CYP4F12: variants seen among roughly 807,000 people sequenced by gnomAD.
The protein encoded by CYP4F12 is cytochrome P450 family 4 subfamily F member 12, also known as cytochrome P450 4F12.
Under a neutral mutation model 56.5 loss-of-function variants are expected in CYP4F12, and 60 were observed. The observed-to-expected ratio is 1.06, with a 90% CI of 0.86 to 1.32. The LOEUF (loss-of-function observed/expected upper bound fraction) is 1.32, where lower values mean the gene tolerates loss of function less well. CYP4F12 is among the 40% of genes most tolerant of loss of function. The pLI is 0.00. For missense variants in CYP4F12, 711 were observed against 683.5 expected, an observed-to-expected ratio of 1.04 and a Z score of -0.45; for synonymous variants, 263 against 264.9, an observed-to-expected ratio of 0.99 and a Z score of 0.07.
At chr19:15,684,776 G>C in intron 7 of CYP4F12, 40 bp from the exon 8 acceptor site, 1 of 1,374,706 alleles carries the variant, frequency 7.3e-7, no homozygotes, top group Non-Finnish European at 1.0e-6. Flanking sequence ...GTGTGTGTGT[G>C]TGTGTGTGTG....
rs2008147198 is a variant in CYP4F12, at chr19:15,696,493, C to T, written c.1378C>T (p.Pro460Ser). 3 of 1,613,970 alleles carry T rather than the reference C, an allele frequency of 1.9e-6. No homozygotes were observed. The highest frequency in any genetic ancestry group is 1.6e-4 in the Middle Eastern group (1 of 6,076). ...GGGGAGGTCACCTCTGGCTTTTATT[C>T]CTTTCTCCGCAGGGCCCAGGTAAGA... ...SKGRSPLAFI[P>S]FSAGPRNCIG... Residue 460 changes from proline to serine, a missense_variant, in exon 12 of 13, where the codon CCT (proline) becomes TCT (serine). Transcript: ENST00000550308.
chr19:15,679,301 G>T (rs917550426), intron 3 of CYP4F12, among the ~76,000 whole-genome samples: 2 of 152,222 alleles, frequency 1.3e-5, no homozygotes, highest in Admixed American at 6.5e-5. Context: ...CTTCAGGCAT[G>T]GCTGAATCCA....
At chr19:15,686,971 CA>C (rs10570451) in intron 9 of CYP4F12, among the ~76,000 whole-genome samples, 7 of 151,760 alleles carry the variant, frequency 4.6e-5, no homozygotes, top group South Asian at 2.1e-4. Context: ...ACTTTGTAAA[CA>C]AAAAAAAGTG....
intron 1 of CYP4F12, 99 bp downstream of exon 1, chr19:15,673,234 TG>T: frequency 1.8e-6 from 1 of 549,942 alleles, no homozygotes. Context: ...CATGGGAAAC[TG>T]GGGGTTTCCT....
intron 6 of CYP4F12, among the ~76,000 whole-genome samples, chr19:15,683,234 G>A (rs1409302658): frequency 1.3e-5 from 2 of 152,184 alleles, no homozygotes; most frequent in Non-Finnish European, 2.9e-5. Context: ...ATGGGAGACA[G>A]AGGAGAGAAG....
intron 9 of CYP4F12, among the ~76,000 whole-genome samples, chr19:15,689,127 AAAT>A (rs796158245): frequency 0.015 from 1,357 of 89,254 alleles, 23 homozygotes; most frequent in African/African-American, 0.068. Context: ...CTGCACAACA[AAAT>A]AATAATAATA....
At chr19:15,679,501 C>G (rs1386358067) in intron 3 of CYP4F12, among the ~76,000 whole-genome samples, 1 of 152,182 alleles carries the variant, frequency 6.6e-6, no homozygotes, top group African/African-American at 2.4e-5. Context: ...CAATATTATA[C>G]CTGGTTATAT....
intron 9 of CYP4F12, 30 bp downstream of exon 9, chr19:15,685,227 G>A: frequency 6.2e-7 from 1 of 1,608,258 alleles, no homozygotes; most frequent in Non-Finnish European, 8.5e-7. Context: ...GCCTGTTCCT[G>A]AGCCCATCAT....
Position 15,697,049 on chromosome 19 carries a change from G to A in CYP4F12, c.1539G>A (p.Trp513Ter), listed in dbSNP as rs199885168. 6.2e-7 allele frequency: 1 copy of A among 1,614,090 alleles called. No individual in the cohort carries two copies. Among genetic ancestry groups the A allele is most frequent in the Admixed American group, 1.7e-5 (1 of 60,026 alleles). Reference protein sequence around the residue: ...ELIMRAEGGLWLRVEPLNVSL... With the variant: ...ELIMRAEGGL Reference sequence around the variant, plus strand: ...TCATGCGCGCCGAGGGCGGGCTTTGGCTGCGGGTGGAGCCCCTGAATGTAA... The same window carrying A: ...TCATGCGCGCCGAGGGCGGGCTTTGACTGCGGGTGGAGCCCCTGAATGTAA... The change falls in exon 13 of 13, where the codon TGG becomes TGA. Residue 513 changes from tryptophan to a stop codon, truncating the protein, a stop_gained. Transcript: ENST00000550308. LOFTEE classifies it low-confidence loss of function (END_TRUNC).
chr19:15,673,405 G>A lies in CYP4F12; in HGVS notation c.-1-124G>A, dbSNP rs79396833. 1.5e-3 allele frequency: 1,665 copies of A among 1,113,700 alleles called. 25 individuals carry two copies. In the African/African-American group the frequency reaches 0.022, roughly 15 times the overall value. The allele number at this position is 1,113,700 out of a possible 1,614,324, so 69.0% of individuals were successfully genotyped here. The stretch of plus-strand genomic sequence containing the variant: ...TTCTGGACTTCAGATCTCAGCCCTC[G>A]TTTACTCACCCCTGAGCCCTCCCTG... On this transcript the variant is annotated intron_variant, in intron 1 of 12. Coordinates refer to ENST00000550308, the MANE Select transcript of CYP4F12 (RefSeq NM_023944.4).
Position 15,682,389 on chromosome 19 carries a change from G to A in CYP4F12, c.526G>A (p.Asp176Asn). Residue 176 changes from aspartate (D) to asparagine (N), a missense_variant and splice_region_variant, in exon 6 of 13, where the codon GAC becomes AAC. Physicochemically the swap from Asp to Asn is conservative, Grantham distance 23. Coordinates refer to ENST00000550308, the MANE Select transcript of CYP4F12 (RefSeq NM_023944.4). ...TAGCTCTCTTCCCTTCTCTGGCCAG[G>A]ACAAGTGGCAGCACCTGGCCTCAGA... is the stretch of plus-strand genomic sequence containing the variant. ...IFNKSANIML[D>N]KWQHLASEGS... 1 of 1,612,704 alleles carries A rather than the reference G, an allele frequency of 6.2e-7. No individual in the cohort carries two copies. The highest frequency in any genetic ancestry group is 8.5e-7 in the Non-Finnish European group (1 of 1,178,944).
At chr19:15,689,846 C>G (rs994880405) in intron 9 of CYP4F12, among the ~76,000 whole-genome samples, 3 of 152,158 alleles carry the variant, frequency 2.0e-5, no homozygotes, top group South Asian at 2.1e-4. Context: ...TGAAGTAACT[C>G]AAGAATAGAA....
chr19:15,688,292 G>A (rs1418327683), intron 9 of CYP4F12, among the ~76,000 whole-genome samples: 8 of 152,024 alleles, frequency 5.3e-5, no homozygotes, highest in African/African-American at 1.7e-4. Flanking sequence ...ACTCACCTCT[G>A]GATCATTACC....
intron 9 of CYP4F12, among the ~76,000 whole-genome samples, chr19:15,691,554 AGAGT>A (rs1448791627): frequency 6.6e-6 from 1 of 152,214 alleles, no homozygotes; most frequent in Non-Finnish European, 1.5e-5. Context: ...TTCTTAAATA[AGAGT>A]GAGAAAGAAC....
At chr19:15,686,979 A>T (rs75002949) in intron 9 of CYP4F12, among the ~76,000 whole-genome samples, 1 of 151,162 alleles carries the variant, frequency 6.6e-6, no homozygotes, top group African/African-American at 2.4e-5. Flanking sequence ...AACAAAAAAA[A>T]GTGTCTAAAA....
At chr19:15,680,629 C>T (rs555713012) in intron 5 of CYP4F12, 110 bp downstream of exon 5, 2 of 1,375,050 alleles carry the variant, frequency 1.5e-6, no homozygotes, top group South Asian at 2.4e-5. Flanking sequence ...CATTGCTCTT[C>T]CTCTCTGAGC....
chr19:15,679,880 C>T lies in CYP4F12; in HGVS notation c.344-364C>T, dbSNP rs537779650. 2.6e-5 allele frequency among the ~76,000 whole-genome samples: 4 copies of T among 152,328 alleles called. No individual in the cohort carries two copies. In the South Asian group the frequency reaches 8.3e-4, roughly 32 times the overall value. On this transcript the variant is annotated intron_variant, in intron 3 of 12. Transcript: ENST00000550308. ...GTACACAGAGGTCATGTCAGACTAT[C>T]TCAGGTCCATGTCAGGAGATGACAG...
At chr19:15,691,060 C>T (rs925423729) in intron 9 of CYP4F12, among the ~76,000 whole-genome samples, 1 of 152,140 alleles carries the variant, frequency 6.6e-6, no homozygotes, top group African/African-American at 2.4e-5. Flanking sequence ...TTTGGCCCAT[C>T]CCTTTGTTGA....
chr19:15,697,053 C>G lies in CYP4F12; in HGVS notation c.1543C>G (p.Arg515Gly). The G allele has an allele frequency of 6.2e-7, 1 of 1,613,880 alleles. No homozygotes were observed. The highest frequency in any genetic ancestry group is 8.5e-7 in the Non-Finnish European group (1 of 1,179,806). ...GCGCGCCGAGGGCGGGCTTTGGCTG[C>G]GGGTGGAGCCCCTGAATGTAAGCTT... ...IMRAEGGLWL[R>G]VEPLNVSLQ Residue 515 changes from arginine to glycine, a missense_variant, in exon 13 of 13, where the codon CGG (arginine) becomes GGG (glycine). Transcript: ENST00000550308.
Sources: gnomAD v4.1 joint callset for allele counts (sites outside exome capture counted in the v4.1 genomes callset) on GRCh38, gnomAD v4.1.1 for gene constraint, MANE v1.5 for transcripts, NCBI Gene and HGNC (gene_info 2026-07-23, HGNC 2026-07-21) for gene names.